FRY: variants seen among roughly 807,000 people sequenced by gnomAD.
FRY encodes the protein protein furry homolog.
Under a neutral mutation model 348.4 loss-of-function variants are expected in FRY, and 128 were observed. The ratio of observed to expected loss-of-function variants is 0.37; its 90% CI spans 0.32 to 0.43. FRY has a LOEUF of 0.43. FRY is among the 20% of genes least tolerant of loss of function. The probability of loss-of-function intolerance (pLI) is 1.00; values close to 1 mark genes in which losing one functional copy is unlikely to be tolerated. For missense variants in FRY, 2,736 were observed against 3,695.2 expected, an observed-to-expected ratio of 0.74 and a Z score of 6.73; for synonymous variants, 1,370 against 1,374.7, an observed-to-expected ratio of 1.00 and a Z score of 0.08.
chr13:32,280,282 A>G (rs1888744715), intron 58 of FRY, among the ~76,000 whole-genome samples: 1 of 152,212 alleles, frequency 6.6e-6, no homozygotes, highest in Non-Finnish European at 1.5e-5. Context: ...AATGTCTCCC[A>G]TAAGCAAACA....
chr13:32,294,317 A>G (rs747935076), intron 59 of FRY, 51 bp from the exon 60 acceptor site: 2 of 1,333,702 alleles, frequency 1.5e-6, no homozygotes, highest in Non-Finnish European at 2.1e-6. Context: ...TTGGGATGTA[A>G]AATTCCCCCA....
chr13:32,291,337 A>G (rs1035599280), intron 59 of FRY, among the ~76,000 whole-genome samples: 2 of 152,152 alleles, frequency 1.3e-5, no homozygotes, highest in South Asian at 2.1e-4. Flanking sequence ...GTCAGATAAT[A>G]GGAATCAACT....
chr13:32,138,137 G>GT (rs532040956), intron 11 of FRY, among the ~76,000 whole-genome samples: 2 of 149,558 alleles, frequency 1.3e-5, no homozygotes, highest in African/African-American at 2.5e-5. Flanking sequence ...GTTTTGTTTT[G>GT]TTTTTTTGTT....
intron 34 of FRY, among the ~76,000 whole-genome samples, chr13:32,211,803 G>A (rs1419661349): frequency 2.6e-5 from 4 of 152,108 alleles, no homozygotes; most frequent in East Asian, 1.9e-4. Context: ...TGCAGTAACT[G>A]CCTTCCAATT....
At chr13:32,081,726 G>T (rs1875506880) in intron 2 of FRY, among the ~76,000 whole-genome samples, 1 of 151,946 alleles carries the variant, frequency 6.6e-6, no homozygotes, top group African/African-American at 2.4e-5. Context: ...CCTTATTTTT[G>T]CCTACTTGTA....
At chr13:32,198,478 A>G (rs1306458904) in intron 29 of FRY, among the ~76,000 whole-genome samples, 2 of 152,216 alleles carry the variant, frequency 1.3e-5, no homozygotes, top group East Asian at 3.8e-4. Flanking sequence ...GAAATGCACT[A>G]TCGTGGGCTG....
intron 7 of FRY, among the ~76,000 whole-genome samples, chr13:32,129,053 T>A (rs999533822): frequency 6.6e-6 from 1 of 152,190 alleles, no homozygotes; most frequent in Non-Finnish European, 1.5e-5. Flanking sequence ...TTTCTCCCTG[T>A]GTCTTCATAT....
Position 32,131,773 on chromosome 13 carries a change from G to C in FRY, c.818G>C (p.Gly273Ala). The change falls in exon 8 of 61, where the codon GGC (glycine) becomes GCC (alanine). Residue 273 changes from glycine (G) to alanine (A), a missense_variant. Gly to Ala is a moderately conservative substitution (Grantham distance 60). Transcript: ENST00000542859. ...VVQSIISLIMGMKFFRIKMYP... is the reference protein window; with the variant it reads ...VVQSIISLIMAMKFFRIKMYP... ...CAAAGCATTATCAGCTTAATAATGG[G>C]CATGAAATTCTTTCGAATTAAGATG... 1 of 1,612,714 alleles carries C rather than the reference G, an allele frequency of 6.2e-7. No individual in the cohort carries two copies. The highest frequency in any genetic ancestry group is 8.5e-7 in the Non-Finnish European group (1 of 1,178,680).
At chr13:32,127,994 C>T (rs1007041635) in intron 7 of FRY, among the ~76,000 whole-genome samples, 27 of 152,062 alleles carry the variant, frequency 1.8e-4, no homozygotes, top group African/African-American at 6.5e-4. Flanking sequence ...TAATATTTTT[C>T]TCTCTAAACT....
intron 28 of FRY, among the ~76,000 whole-genome samples, chr13:32,191,613 G>T (rs1320359874): frequency 2.0e-5 from 3 of 152,174 alleles, no homozygotes; most frequent in Non-Finnish European, 4.4e-5. Context: ...ATCAACAACA[G>T]AAATTTATTT....
At chr13:32,095,556 C>T (rs1201610868) in intron 2 of FRY, among the ~76,000 whole-genome samples, 2 of 151,860 alleles carry the variant, frequency 1.3e-5, no homozygotes, top group East Asian at 3.9e-4. Flanking sequence ...TGTTGGTCAG[C>T]CTGGTCTCGA....
intron 51 of FRY, among the ~76,000 whole-genome samples, chr13:32,260,370 T>C (rs1887565164): frequency 6.7e-6 from 1 of 150,232 alleles, no homozygotes; most frequent in South Asian, 2.1e-4. Flanking sequence ...TGCATATCAG[T>C]CAGCTGAGTA....
chr13:32,180,071 A>G (rs977079737), intron 23 of FRY, among the ~76,000 whole-genome samples: 1 of 152,344 alleles, frequency 6.6e-6, no homozygotes, highest in South Asian at 2.1e-4. Context: ...AAAAATGAAG[A>G]TAGTTCAGTA....
chr13:32,147,607 A>G (rs1463103418), intron 12 of FRY, among the ~76,000 whole-genome samples: 1 of 152,208 alleles, frequency 6.6e-6, no homozygotes, highest in African/African-American at 2.4e-5. Flanking sequence ...CCACTTCCAG[A>G]GTTGCATTTG....
chr13:32,246,178 TAACTC>T (rs1215177620), intron 47 of FRY, among the ~76,000 whole-genome samples: 1 of 152,260 alleles, frequency 6.6e-6, no homozygotes, highest in Non-Finnish European at 1.5e-5. Flanking sequence ...CTTTTTATCT[TAACTC>T]AAATAGTAGC....
intron 3 of FRY, among the ~76,000 whole-genome samples, chr13:32,116,276 C>T (rs1055365065): frequency 6.6e-6 from 1 of 152,106 alleles, no homozygotes; most frequent in Non-Finnish European, 1.5e-5. Context: ...TATCACTGCT[C>T]ATCAACTCTG....
In FRY at chr13:32,090,534, A is replaced by G. The variant is rs888861033; in HGVS notation, c.271-11429A>G. Among the ~76,000 whole-genome samples the G allele has an allele frequency of 2.0e-5, 3 of 152,062 alleles. No individual in the cohort carries two copies. The South Asian group carries it at 6.2e-4, about 32-fold the overall frequency. On this transcript the variant is annotated intron_variant, in intron 2 of 60. Transcript: ENST00000542859. ...GAGCCATGTCCTGAAGGAGATAGGA[A>G]AAGATCCATCCACACACACTGTAGT... is the stretch of plus-strand genomic sequence containing the variant.
intron 1 of FRY, among the ~76,000 whole-genome samples, chr13:32,066,615 G>A (rs943000734): frequency 3.3e-5 from 5 of 152,170 alleles, no homozygotes; most frequent in Middle Eastern, 3.4e-3. Flanking sequence ...CTTTTTTTCT[G>A]TTTTAACAGG....
chr13:32,248,851 A>G (rs1213862929), intron 48 of FRY, among the ~76,000 whole-genome samples: 1 of 152,234 alleles, frequency 6.6e-6, no homozygotes, highest in Non-Finnish European at 1.5e-5. Context: ...GGTTAGCAGC[A>G]TGCTCCAGAG....
Sources: gnomAD v4.1 joint callset for allele counts (sites outside exome capture counted in the v4.1 genomes callset) on GRCh38, gnomAD v4.1.1 for gene constraint, MANE v1.5 for transcripts, NCBI Gene and HGNC (gene_info 2026-07-23, HGNC 2026-07-21) for gene names.